BMPER: variants seen among roughly 807,000 people sequenced by gnomAD.
BMPER encodes BMP binding endothelial regulator, also known as BMP-binding endothelial regulator protein.
A neutral mutation model predicts 87.3 loss-of-function variants in BMPER; 45 were observed. That is an observed-to-expected ratio of 0.52 (90% confidence interval 0.41 to 0.66). BMPER has a LOEUF of 0.66. Among genes scored for constraint, BMPER ranks in the 30% least tolerant of loss-of-function variants. The pLI is 0.00. For synonymous variants in BMPER, 326 were observed against 316.2 expected (o/e 1.03, Z -0.33); for missense variants, 784 against 867.5 (o/e 0.90, Z 1.21).
chr7:34,020,449 A>G (rs1339294352), intron 6 of BMPER, among the ~76,000 whole-genome samples: 1 of 151,946 alleles, frequency 6.6e-6, no homozygotes, highest in African/African-American at 2.4e-5. Flanking sequence ...AAGTATGTGC[A>G]GATCAGAAAT....
chr7:34,121,754 A>G (rs186356991), intron 13 of BMPER, among the ~76,000 whole-genome samples: 1 of 152,356 alleles, frequency 6.6e-6, no homozygotes, highest in Admixed American at 6.5e-5. Flanking sequence ...CAATCACAGA[A>G]TAATGTTTCT....
intron 13 of BMPER, among the ~76,000 whole-genome samples, chr7:34,098,187 T>C (rs1232262365): frequency 6.6e-6 from 1 of 152,052 alleles, no homozygotes; most frequent in Non-Finnish European, 1.5e-5. Flanking sequence ...CTGGTAACTT[T>C]TAGATGAATT....
rs375153798 is a variant in BMPER, at chr7:34,086,029, A to C, written c.1682A>C (p.Gln561Pro). 3.1e-6 allele frequency: 5 copies of C among 1,613,990 alleles called. No homozygotes were observed. Among genetic ancestry groups the C allele is most frequent in the Non-Finnish European group, 4.2e-6 (5 of 1,180,030 alleles). The change falls in exon 13 of 15, where the codon CAA (glutamine) becomes CCA (proline). Residue 561 changes from glutamine to proline, a missense_variant. Transcript: ENST00000649409. Reference protein sequence around the residue: ...KVKLRAHRECQKLKSWEFQTC... With the variant: ...KVKLRAHRECPKLKSWEFQTC... The stretch of plus-strand genomic sequence containing the variant: ...AAGCTCCGGGCCCATCGAGAATGCC[A>C]AAAGCTCAAATCCTGGGAGTTTCAG...
chr7:34,067,243 C>T (rs1788617935), intron 11 of BMPER: 1 of 152,176 alleles, frequency 6.6e-6, no homozygotes. Flanking sequence ...TGCCTGCTCT[C>T]CTAGGAGCCC....
intron 6 of BMPER, among the ~76,000 whole-genome samples, chr7:34,002,142 T>G (rs555996019): frequency 7.9e-5 from 12 of 151,894 alleles, no homozygotes; most frequent in African/African-American, 2.9e-4. Flanking sequence ...TTTGTTGTTT[T>G]AGAGTGGAGC....
intron 11 of BMPER, among the ~76,000 whole-genome samples, chr7:34,064,249 C>T (rs1788516967): frequency 6.6e-6 from 1 of 151,186 alleles, no homozygotes; most frequent in African/African-American, 2.4e-5. Context: ...CAAGATCATG[C>T]CACTGCACTC....
chr7:33,943,911 C>G (rs942368562), intron 3 of BMPER, among the ~76,000 whole-genome samples: 1 of 152,118 alleles, frequency 6.6e-6, no homozygotes. Context: ...GTATCAAGCT[C>G]CATTTAAAGA....
intron 7 of BMPER, among the ~76,000 whole-genome samples, chr7:34,051,329 C>T (rs567214053): frequency 3.0e-4 from 46 of 152,244 alleles, no homozygotes; most frequent in South Asian, 8.3e-4. Context: ...TTTGCTCATT[C>T]GAGACCTTCT....
In BMPER at chr7:34,039,603, TACACACAC is replaced by T. The variant is rs56214614; in HGVS notation, c.577-6670_577-6663del. Among the ~76,000 whole-genome samples the T allele has an allele frequency of 8.9e-3, 1,269 of 142,662 alleles. 7 individuals are homozygous for T. The highest frequency in any genetic ancestry group is 0.025 in the African/African-American group (953 of 38,640). The allele number at this position is 142,662 out of a possible 152,430, so 93.6% of individuals were successfully genotyped here. On this transcript the variant is annotated intron_variant, in intron 6 of 14. Transcript: ENST00000649409. The stretch of plus-strand genomic sequence containing the variant: ...TAATCTAGTGGGTAAGACACACAAA[TACACACAC>T]ACACACACACACACACACACACACA...
intron 13 of BMPER, among the ~76,000 whole-genome samples, chr7:34,098,368 C>T (rs1229466047): frequency 6.6e-6 from 1 of 152,066 alleles, no homozygotes; most frequent in Admixed American, 6.5e-5. Flanking sequence ...TCCAGAACAG[C>T]CAACAGGATG....
chr7:34,019,795 A>G (rs1432443255), intron 6 of BMPER, among the ~76,000 whole-genome samples: 1 of 152,002 alleles, frequency 6.6e-6, no homozygotes, highest in Non-Finnish European at 1.5e-5. Context: ...AGAGTAGCAT[A>G]TAAAGGACTG....
At chr7:34,147,839 A>G (rs936841387) in intron 14 of BMPER, among the ~76,000 whole-genome samples, 4 of 152,168 alleles carry the variant, frequency 2.6e-5, no homozygotes, top group African/African-American at 4.8e-5. Context: ...CATCACACCT[A>G]TGTTTTAAGA....
intron 7 of BMPER, among the ~76,000 whole-genome samples, chr7:34,049,994 G>T (rs1334004563): frequency 5.3e-5 from 8 of 152,172 alleles, no homozygotes; most frequent in African/African-American, 1.9e-4. Context: ...AAATCTATGT[G>T]ATCCAGGCTG....
chr7:34,070,920 C>T (rs767549627), intron 11 of BMPER, among the ~76,000 whole-genome samples: 4 of 148,210 alleles, frequency 2.7e-5, no homozygotes, highest in Non-Finnish European at 5.9e-5. Flanking sequence ...GTTTGGAATA[C>T]ATTTAAACTT....
chr7:34,098,147 T>G (rs1789579479), intron 13 of BMPER, among the ~76,000 whole-genome samples: 1 of 152,150 alleles, frequency 6.6e-6, no homozygotes, highest in Non-Finnish European at 1.5e-5. Context: ...TGAGATGCTT[T>G]CCATAGAGAC....
At chr7:33,980,425 C>T (rs1367501619) in intron 6 of BMPER, among the ~76,000 whole-genome samples, 1 of 152,096 alleles carries the variant, frequency 6.6e-6, no homozygotes, top group African/African-American at 2.4e-5. Context: ...TTGGTTAAAG[C>T]ACACCTTGGC....
intron 11 of BMPER, among the ~76,000 whole-genome samples, chr7:34,073,230 G>A (rs1056671639): frequency 3.3e-5 from 5 of 152,076 alleles, no homozygotes; most frequent in South Asian, 2.1e-4. Flanking sequence ...CATATATACC[G>A]TTATATGTTG....
chr7:34,136,901 G>A (rs1441065611), intron 13 of BMPER, among the ~76,000 whole-genome samples: 1 of 152,202 alleles, frequency 6.6e-6, no homozygotes, highest in East Asian at 1.9e-4. Context: ...TGCCCAGTGG[G>A]TAATACATCT....
At chr7:34,006,686 A>G (rs1786742002) in intron 6 of BMPER, among the ~76,000 whole-genome samples, 1 of 152,048 alleles carries the variant, frequency 6.6e-6, no homozygotes, top group African/African-American at 2.4e-5. Context: ...CCCTCAGGAG[A>G]TAATGCTATT....
Sources: gnomAD v4.1 joint callset for allele counts (sites outside exome capture counted in the v4.1 genomes callset) on GRCh38, gnomAD v4.1.1 for gene constraint, MANE v1.5 for transcripts, NCBI Gene and HGNC (gene_info 2026-07-23, HGNC 2026-07-21) for gene names.